AIM2: variants seen among roughly 807,000 people sequenced by gnomAD.
AIM2 encodes the protein interferon-inducible protein AIM2.
A neutral mutation model predicts 27.7 loss-of-function variants in AIM2; 30 were observed. That is an observed-to-expected ratio of 1.08 (90% confidence interval 0.81 to 1.47). AIM2 has a LOEUF of 1.47. Ranked by LOEUF, AIM2 falls within the 40% of genes most tolerant of loss-of-function variation. The probability of loss-of-function intolerance (pLI) is 0.00; values close to 1 mark genes in which losing one functional copy is unlikely to be tolerated. For missense variants in AIM2, 358 were observed against 411.3 expected, an observed-to-expected ratio of 0.87 and a Z score of 1.12; for synonymous variants, 141 against 145.3, an observed-to-expected ratio of 0.97 and a Z score of 0.21.
intron 3 of AIM2, 45 bp from the exon 4 acceptor site, chr1:159,066,374 A>G (rs1251970835): frequency 1.3e-6 from 2 of 1,553,990 alleles, no homozygotes; most frequent in Non-Finnish European, 1.7e-6. Flanking sequence ...TCAAAAAGGT[A>G]CTATTGAAAG....
intron 1 of AIM2, among the ~76,000 whole-genome samples, chr1:159,091,222 T>G (rs1283265350): frequency 1.3e-5 from 2 of 152,198 alleles, no homozygotes; most frequent in East Asian, 3.9e-4. Flanking sequence ...AATGATAGGA[T>G]AAAGGTTACA....
At chr1:159,101,392 T>A (rs1657309920) in intron 1 of AIM2, among the ~76,000 whole-genome samples, 1 of 152,220 alleles carries the variant, frequency 6.6e-6, no homozygotes, top group Non-Finnish European at 1.5e-5. Context: ...AAACCTCTTT[T>A]CTTTATAAAT....
intron 1 of AIM2, among the ~76,000 whole-genome samples, chr1:159,095,517 T>A (rs1166296613): frequency 6.6e-6 from 1 of 152,200 alleles, no homozygotes; most frequent in Non-Finnish European, 1.5e-5. Context: ...AGCTGTTACC[T>A]CTGTTTCCCC....
intron 4 of AIM2, 74 bp from the exon 5 acceptor site, chr1:159,063,748 G>A: frequency 1.4e-6 from 2 of 1,406,900 alleles, no homozygotes; most frequent in Middle Eastern, 1.8e-4. Flanking sequence ...CATCAGACAT[G>A]CCAGAAGAAG....
upstream of AIM2, among the ~76,000 whole-genome samples, chr1:159,142,402 TGA>T (rs1396077302): frequency 2.0e-5 from 3 of 152,154 alleles, no homozygotes; most frequent in Admixed American, 6.6e-5. Flanking sequence ...CGTATATGTG[TGA>T]GAGAGTGTGT....
upstream of AIM2, among the ~76,000 whole-genome samples, chr1:159,144,737 C>T (rs946655939): frequency 3.3e-5 from 5 of 152,148 alleles, no homozygotes; most frequent in Admixed American, 6.5e-5. Flanking sequence ...ACTAGTGATG[C>T]TCATACACTA....
At chr1:159,105,909 C>T (rs191471124) in intron 1 of AIM2, among the ~76,000 whole-genome samples, 3 of 152,270 alleles carry the variant, frequency 2.0e-5, no homozygotes, top group Admixed American at 6.5e-5. Context: ...ATGCTTCGGG[C>T]CATCCTTGGT....
At chr1:159,122,209 T>A (rs1360518122) in intron 1 of AIM2, 2 of 152,158 alleles carry the variant, frequency 1.3e-5, no homozygotes, top group African/African-American at 2.4e-5. Flanking sequence ...CCCAATGGTT[T>A]AACACTAAAA....
At chr1:159,066,797 A>G (rs190449998) in intron 3 of AIM2, among the ~76,000 whole-genome samples, 3 of 152,338 alleles carry the variant, frequency 2.0e-5, no homozygotes, top group Admixed American at 6.5e-5. Context: ...GGGCTCCCCA[A>G]ATTCCTAGGG....
At chr1:159,122,381 A>G (rs1647560472) in intron 1 of AIM2, 1 of 152,200 alleles carries the variant, frequency 6.6e-6, no homozygotes, top group Non-Finnish European at 1.5e-5. Flanking sequence ...CAGTAAGCTG[A>G]CAAGAAAAAG....
intron 1 of AIM2, among the ~76,000 whole-genome samples, chr1:159,075,520 G>A (rs183645618): frequency 3.2e-4 from 46 of 143,616 alleles, no homozygotes; most frequent in Admixed American, 2.5e-3. Flanking sequence ...CAAAAACTGG[G>A]CAGATACCTG....
At chr1:159,135,718 T>TATA (rs2102054266) in intron 1 of AIM2, among the ~76,000 whole-genome samples, 1 of 152,346 alleles carries the variant, frequency 6.6e-6, no homozygotes, top group East Asian at 1.9e-4. Flanking sequence ...AAAAGTGGTC[T>TATA]ATAGATGTAG....
intron 2 of AIM2, among the ~76,000 whole-genome samples, chr1:159,069,279 T>C (rs1404518689): frequency 6.6e-6 from 1 of 152,144 alleles, no homozygotes; most frequent in Non-Finnish European, 1.5e-5. Flanking sequence ...AGTAATACCA[T>C]TCACAGGTGT....
intron 1 of AIM2, among the ~76,000 whole-genome samples, chr1:159,129,335 G>A (rs185313928): frequency 1.8e-4 from 27 of 152,272 alleles, no homozygotes; most frequent in Admixed American, 3.9e-4. Context: ...CACCCAGTTT[G>A]GGGAAATTTG....
intron 1 of AIM2, among the ~76,000 whole-genome samples, chr1:159,146,844 C>T (rs1648217042): frequency 6.6e-6 from 1 of 152,112 alleles, no homozygotes; most frequent in African/African-American, 2.4e-5. Flanking sequence ...GCCCTTCATC[C>T]TCAGGCCTTC....
chr1:159,093,912 T>G (rs993334804), intron 1 of AIM2, among the ~76,000 whole-genome samples: 3 of 150,730 alleles, frequency 2.0e-5, no homozygotes, highest in African/African-American at 7.3e-5. Flanking sequence ...TTTTTTTTTT[T>G]TTGTATTTTA....
At chr1:159,106,236 C>G (rs376964393) in intron 1 of AIM2, among the ~76,000 whole-genome samples, 1 of 152,150 alleles carries the variant, frequency 6.6e-6, no homozygotes, top group African/African-American at 2.4e-5. Flanking sequence ...TCTCCCACTC[C>G]ACCAACTCAG....
intron 1 of AIM2, among the ~76,000 whole-genome samples, chr1:159,109,514 A>G: frequency 6.6e-6 from 1 of 152,226 alleles, no homozygotes; most frequent in East Asian, 1.9e-4. Context: ...GAATTTCATG[A>G]TTAAGAACCC....
intron 1 of AIM2, among the ~76,000 whole-genome samples, chr1:159,127,635 C>T (rs952382329): frequency 4.0e-4 from 61 of 152,116 alleles, no homozygotes; most frequent in African/African-American, 1.5e-3. Context: ...TAATGGGATC[C>T]CTAATGGGAT....
Sources: gnomAD v4.1 joint callset for allele counts (sites outside exome capture counted in the v4.1 genomes callset) on GRCh38, gnomAD v4.1.1 for gene constraint, MANE v1.5 for transcripts, NCBI Gene and HGNC (gene_info 2026-07-23, HGNC 2026-07-21) for gene names.